The following GALNT17 variants were observed in gnomAD, a reference collection of about 807,000 sequenced individuals.
The protein encoded by GALNT17 is UDP-GalNAc:polypeptide N-acetylgalactosaminyltransferase-like 3.
GALNT17 carries 29 observed loss-of-function variants against 63.7 expected under a neutral mutation model. That is an observed-to-expected ratio of 0.46 (90% CI 0.34 to 0.62). The LOEUF is 0.62. GALNT17 is among the 20% of genes least tolerant of loss of function. The pLI is 0.01. For missense variants in GALNT17, 603 were observed against 799.6 expected, an observed-to-expected ratio of 0.75 and a Z score of 2.97; for synonymous variants, 305 against 318.3, an observed-to-expected ratio of 0.96 and a Z score of 0.45.
intron 1 of GALNT17, among the ~76,000 whole-genome samples, chr7:71,196,797 G>GCACC (rs1789057747): frequency 6.6e-6 from 1 of 151,858 alleles, no homozygotes; most frequent in Non-Finnish European, 1.5e-5. Context: ...GGGACTACAG[G>GCACC]TGCGCGCAAT....
At chr7:71,133,441 A>T (rs1787724859) in intron 1 of GALNT17, among the ~76,000 whole-genome samples, 1 of 152,142 alleles carries the variant, frequency 6.6e-6, no homozygotes, top group Non-Finnish European at 1.5e-5. Flanking sequence ...GTGGGGTACC[A>T]GTAGGGAACC....
rs116150457 is a variant in GALNT17, at chr7:71,641,892, C to A, written c.1081-23519C>A. ...TGATGATGTTCTTGATAGTAATGAG[C>A]TAGTCTAGTTAGCATTTCTGAGGCT... On this transcript the variant is annotated intron_variant, in intron 6 of 10. Coordinates refer to ENST00000333538, the MANE Select transcript of GALNT17 (RefSeq NM_022479.3). Among the ~76,000 whole-genome samples, 427 of 152,230 alleles carry A rather than the reference C, an allele frequency of 2.8e-3. 5 individuals are homozygous for A. Among genetic ancestry groups the A allele is most frequent in the African/African-American group, 0.01 (417 of 41,542 alleles).
rs1791739067 is a variant in GALNT17 at position 71,328,312 on chromosome 7, A to G, written c.239-7238A>G. 1.3e-5 allele frequency among the ~76,000 whole-genome samples: 2 copies of G among 152,208 alleles called. 1 individual carries two copies. Among genetic ancestry groups the G allele is most frequent in the Non-Finnish European group, 2.9e-5 (2 of 68,034 alleles). On this transcript the variant is annotated intron_variant, in intron 1 of 10. Transcript: ENST00000333538. ...AATAACTCAGGCGGAAAAGAAGGGA[A>G]CAATGAATTCTCGCAGGCCTGGTGC...
At chr7:71,260,986 A>G (rs1016008292) in intron 1 of GALNT17, among the ~76,000 whole-genome samples, 2 of 152,188 alleles carry the variant, frequency 1.3e-5, no homozygotes, top group Admixed American at 1.3e-4. Flanking sequence ...ATGACATCCT[A>G]TTGATCGTCA....
chr7:71,297,631 T>G (rs966897774), intron 1 of GALNT17, among the ~76,000 whole-genome samples: 9 of 152,038 alleles, frequency 5.9e-5, no homozygotes, highest in Admixed American at 5.9e-4. Context: ...GACACTTGGA[T>G]TAGAATGTTC....
chr7:71,613,263 A>G (rs1688282124), intron 6 of GALNT17, among the ~76,000 whole-genome samples: 1 of 152,254 alleles, frequency 6.6e-6, no homozygotes, highest in Non-Finnish European at 1.5e-5. Flanking sequence ...TTCAAAGAAG[A>G]AAGCAAAAGG....
chr7:71,506,098 A>G (rs1183749160), intron 5 of GALNT17, among the ~76,000 whole-genome samples: 1 of 152,196 alleles, frequency 6.6e-6, no homozygotes, highest in Non-Finnish European at 1.5e-5. Context: ...GTGGTATGGT[A>G]GTTCTGACCA....
At chr7:71,265,118 A>ATATTTTT (rs1390488895) in intron 1 of GALNT17, among the ~76,000 whole-genome samples, 2 of 37,458 alleles carry the variant, frequency 5.3e-5, no homozygotes, top group Non-Finnish European at 1.4e-4. Context: ...ATATATATAT[A>ATATTTTT]TTTTTTTTTT....
intron 8 of GALNT17, among the ~76,000 whole-genome samples, chr7:71,671,679 T>C (rs139269599): frequency 4.6e-4 from 70 of 152,322 alleles, no homozygotes; most frequent in African/African-American, 1.6e-3. Flanking sequence ...GTATCTCCTC[T>C]ACAGGATTCC....
chr7:71,187,925 C>T (rs1287951059), intron 1 of GALNT17, among the ~76,000 whole-genome samples: 1 of 152,132 alleles, frequency 6.6e-6, no homozygotes, highest in Non-Finnish European at 1.5e-5. Context: ...ATTCTTATGC[C>T]TTTGCAGCTG....
intron 5 of GALNT17, among the ~76,000 whole-genome samples, chr7:71,534,855 A>G (rs941312563): frequency 6.6e-6 from 1 of 152,122 alleles, no homozygotes; most frequent in African/African-American, 2.4e-5. Flanking sequence ...GACTCTCACA[A>G]TCTCAGGCAT....
chr7:71,468,623 G>A (rs1787577158), intron 5 of GALNT17, among the ~76,000 whole-genome samples: 1 of 151,126 alleles, frequency 6.6e-6, no homozygotes. Flanking sequence ...CACCATGTTA[G>A]CCAGGATGAT....
At chr7:71,445,351 G>C (rs1787143051) in intron 5 of GALNT17, among the ~76,000 whole-genome samples, 2 of 150,530 alleles carry the variant, frequency 1.3e-5, no homozygotes, top group Admixed American at 1.3e-4. Context: ...GCTAATTTTT[G>C]TATTTTTGTT....
chr7:71,150,762 G>A (rs1472440473), intron 1 of GALNT17, among the ~76,000 whole-genome samples: 1 of 151,546 alleles, frequency 6.6e-6, no homozygotes, highest in East Asian at 1.9e-4. Context: ...CGCCCACCTC[G>A]GCCTCCCAAA....
intron 1 of GALNT17, among the ~76,000 whole-genome samples, chr7:71,224,062 T>A (rs907117759): frequency 2.0e-5 from 3 of 152,154 alleles, no homozygotes; most frequent in Non-Finnish European, 4.4e-5. Flanking sequence ...AATACATTTT[T>A]ATTTTTATTT....
chr7:71,581,287 G>A (rs144836291), intron 6 of GALNT17, among the ~76,000 whole-genome samples: 11,050 of 152,180 alleles, frequency 0.073, 417 homozygotes, highest in South Asian at 0.12. Context: ...AGCCTCCCAA[G>A]TAGCTGGGAT....
chr7:71,160,483 A>C (rs1585847742), intron 1 of GALNT17, among the ~76,000 whole-genome samples: 1 of 151,856 alleles, frequency 6.6e-6, no homozygotes, highest in South Asian at 2.1e-4. Flanking sequence ...TTTGAGACTG[A>C]GTTTCGCTCT....
At chr7:71,492,066 G>A (rs1413859375) in intron 5 of GALNT17, among the ~76,000 whole-genome samples, 3 of 152,150 alleles carry the variant, frequency 2.0e-5, no homozygotes, top group Non-Finnish European at 2.9e-5. Context: ...CAGATCATGA[G>A]GTCAGGAGAT....
chr7:71,352,162 T>C (rs1175210630), intron 2 of GALNT17, among the ~76,000 whole-genome samples: 3 of 152,174 alleles, frequency 2.0e-5, no homozygotes, highest in African/African-American at 4.8e-5. Context: ...TAAAGTGTCG[T>C]AAGATCTGAT....
Sources: allele counts gnomAD v4.1 joint callset (sites outside exome capture counted in the v4.1 genomes callset), GRCh38; gene constraint gnomAD v4.1.1; transcripts MANE v1.5; gene names NCBI Gene and HGNC (gene_info 2026-07-23, HGNC 2026-07-21).